The following TSPEAR variants were observed in gnomAD, a reference collection of about 807,000 sequenced individuals.
TSPEAR encodes the protein thrombospondin type laminin G domain and EAR repeats.
Under a neutral mutation model 71.6 loss-of-function variants are expected in TSPEAR, and 69 were observed. That is an observed-to-expected ratio of 0.96 (90% CI 0.79 to 1.18). The LOEUF (loss-of-function observed/expected upper bound fraction) is 1.18. TSPEAR is among the 50% of genes most tolerant of loss of function. The pLI is 0.00. For missense variants in TSPEAR, 971 were observed against 894.9 expected (o/e 1.09, Z -1.09); for synonymous variants, 402 against 387.2 (o/e 1.04, Z -0.45).
chr21:44,596,325 C>T (rs1569209467), intron 1 of TSPEAR, among the ~76,000 whole-genome samples: 1 of 152,228 alleles, frequency 6.6e-6, no homozygotes, highest in Non-Finnish European at 1.5e-5. Flanking sequence ...CACATCCCAT[C>T]ACCCTCTCTG....
intron 1 of TSPEAR, among the ~76,000 whole-genome samples, chr21:44,568,361 C>T (rs1465400981): frequency 1.3e-5 from 2 of 152,210 alleles, no homozygotes; most frequent in Non-Finnish European, 2.9e-5. Flanking sequence ...ACCGCAGCCA[C>T]GGGAACCCCA....
At chr21:44,670,056 CT>C (rs1985982108) in intron 1 of TSPEAR, among the ~76,000 whole-genome samples, 1 of 152,190 alleles carries the variant, frequency 6.6e-6, no homozygotes, top group Non-Finnish European at 1.5e-5. Flanking sequence ...GAATAATTCC[CT>C]TTTAATATCA....
chr21:44,508,638 C>G, intron 10 of TSPEAR: 2 of 1,187,428 alleles, frequency 1.7e-6, no homozygotes, highest in Non-Finnish European at 2.1e-6. Flanking sequence ...TCCTGTGGCT[C>G]CACGGAGCGT....
chr21:44,628,535 G>T (rs1404974503), intron 1 of TSPEAR, among the ~76,000 whole-genome samples: 2 of 151,998 alleles, frequency 1.3e-5, no homozygotes, highest in African/African-American at 4.8e-5. Flanking sequence ...TGTCCACCTC[G>T]TGGCACGTTC....
chr21:44,629,565 G>T (rs1178337503), intron 1 of TSPEAR, among the ~76,000 whole-genome samples: 3 of 152,190 alleles, frequency 2.0e-5, no homozygotes, highest in Non-Finnish European at 4.4e-5. Context: ...GCCCATATCA[G>T]GGGGCTCTGG....
chr21:44,591,763 G>C (rs1218871342), intron 1 of TSPEAR: 1 of 1,603,790 alleles, frequency 6.2e-7, no homozygotes, highest in East Asian at 2.3e-5. Flanking sequence ...AGAGCAGGTG[G>C]GCACACAGCA....
intron 8 of TSPEAR, among the ~76,000 whole-genome samples, chr21:44,524,290 ATCAT>A (rs1438453184): frequency 4.0e-5 from 6 of 151,042 alleles, no homozygotes; most frequent in East Asian, 2.0e-4. Flanking sequence ...TAGTCAACTA[ATCAT>A]TCAGTCAGTC....
At chr21:44,574,952 G>GT (rs1978333863) in intron 1 of TSPEAR, 4 of 1,606,586 alleles carry the variant, frequency 2.5e-6, no homozygotes, top group Non-Finnish European at 3.4e-6. Flanking sequence ...CCTCCTGCGT[G>GT]TCCCTCCTCT....
intron 1 of TSPEAR, among the ~76,000 whole-genome samples, chr21:44,583,007 T>C (rs1211058): frequency 0.86 from 130,633 of 151,964 alleles, 57,942 homozygotes; most frequent in Non-Finnish European, 0.97. Context: ...TCTTTCTTTT[T>C]TTTTTTGTAT....
chr21:44,663,435 A>G (rs191911576), intron 1 of TSPEAR, among the ~76,000 whole-genome samples: 47 of 152,244 alleles, frequency 3.1e-4, no homozygotes, highest in African/African-American at 1.0e-3. Flanking sequence ...ATAGTATCAT[A>G]TCTATTAAAG....
chr21:44,706,883 A>T (rs1255968187), intron 1 of TSPEAR, among the ~76,000 whole-genome samples: 1 of 152,094 alleles, frequency 6.6e-6, no homozygotes, highest in Non-Finnish European at 1.5e-5. Flanking sequence ...GGCCAAAGCC[A>T]ACCCCAAGCC....
chr21:44,682,944 G>A (rs1986680282), intron 1 of TSPEAR, among the ~76,000 whole-genome samples: 1 of 152,120 alleles, frequency 6.6e-6, no homozygotes, highest in Non-Finnish European at 1.5e-5. Context: ...CTGTGGAACG[G>A]GGCAGGGCTG....
intron 11 of TSPEAR, among the ~76,000 whole-genome samples, chr21:44,502,593 A>T (rs587621690): frequency 6.6e-6 from 1 of 152,398 alleles, no homozygotes; most frequent in South Asian, 2.1e-4. Flanking sequence ...CTCCCATGTT[A>T]GGATGTCCAC....
intron 1 of TSPEAR, among the ~76,000 whole-genome samples, chr21:44,640,556 G>A (rs1473617679): frequency 6.6e-6 from 1 of 152,232 alleles, no homozygotes; most frequent in Non-Finnish European, 1.5e-5. Context: ...CTTGGTCAAT[G>A]TGTTAAAAAC....
intron 1 of TSPEAR, among the ~76,000 whole-genome samples, chr21:44,691,109 C>T (rs1987104794): frequency 6.6e-6 from 1 of 151,862 alleles, no homozygotes; most frequent in Non-Finnish European, 1.5e-5. Flanking sequence ...CTCCTCTCTC[C>T]ACACTTCTCT....
At chr21:44,549,300 G>A (rs1555918162) in intron 2 of TSPEAR, among the ~76,000 whole-genome samples, 1 of 152,168 alleles carries the variant, frequency 6.6e-6, no homozygotes, top group African/African-American at 2.4e-5. Flanking sequence ...GAGGGGTACT[G>A]GGAATGAAAC....
intron 8 of TSPEAR, 22 bp from the exon 9 acceptor site, chr21:44,522,134 G>A: frequency 1.9e-6 from 3 of 1,609,458 alleles, no homozygotes; most frequent in Non-Finnish European, 2.6e-6. Flanking sequence ...GGACTGTGCT[G>A]GGGGCAGGGA....
chr21:44,616,608 A>G (rs1982112942), intron 1 of TSPEAR, among the ~76,000 whole-genome samples: 1 of 152,148 alleles, frequency 6.6e-6, no homozygotes, highest in South Asian at 2.1e-4. Context: ...TTCTCAGATC[A>G]GTGGGGCAAG....
In TSPEAR at chr21:44,710,688, C is replaced by A. The variant is rs1555953433; in HGVS notation, c.82+745G>T. On this transcript the variant is annotated intron_variant, in intron 1 of 11. Coordinates refer to ENST00000323084, the MANE Select transcript of TSPEAR (RefSeq NM_144991.3). The surrounding 1 kb of genome is among the most constrained non-coding windows in gnomAD (Gnocchi z 4.6). Reference sequence around the variant, plus strand: ...AATTTACTGTCCAGTAACTGAGTTTCTAGCGACCAGGTCTAGTTGTCGTGT... The same window carrying A: ...AATTTACTGTCCAGTAACTGAGTTTATAGCGACCAGGTCTAGTTGTCGTGT... Among the ~76,000 whole-genome samples the A allele has an allele frequency of 6.6e-6, 1 of 152,228 alleles. No homozygotes were observed. The highest frequency in any genetic ancestry group is 1.9e-4 in the East Asian group (1 of 5,198).
Sources: allele counts gnomAD v4.1 joint callset (sites outside exome capture counted in the v4.1 genomes callset), GRCh38; gene constraint gnomAD v4.1.1; non-coding constraint Gnocchi (gnomAD v3.1); transcripts MANE v1.5; gene names NCBI Gene and HGNC (gene_info 2026-07-23, HGNC 2026-07-21).